The following DCC variants were observed in gnomAD, a reference collection of about 807,000 sequenced individuals.
The protein encoded by DCC is netrin receptor DCC.
Under a neutral mutation model 172.5 loss-of-function variants are expected in DCC, and 58 were observed. The observed-to-expected ratio is 0.34, with a 90% CI of 0.27 to 0.42. DCC has a LOEUF of 0.42. Ranked by LOEUF, DCC falls within the 10% of genes least tolerant of loss-of-function variation. The pLI is 1.00. For synonymous variants in DCC, 709 were observed against 644.5 expected (o/e 1.10, Z -1.52); for missense variants, 1,740 against 1,791.0 (o/e 0.97, Z 0.51).
chr18:52,576,347 A>T (rs1188888322), intron 1 of DCC, among the ~76,000 whole-genome samples: 1 of 152,218 alleles, frequency 6.6e-6, no homozygotes, highest in African/African-American at 2.4e-5. Context: ...AGCGGGATTA[A>T]GGACAAATGA....
intron 12 of DCC, among the ~76,000 whole-genome samples, chr18:53,260,918 C>T (rs2056589646): frequency 1.3e-5 from 2 of 152,164 alleles, no homozygotes; most frequent in South Asian, 4.1e-4. Flanking sequence ...ACCCCTCCCC[C>T]AGCCTCGCTG....
intron 1 of DCC, among the ~76,000 whole-genome samples, chr18:52,510,175 C>T (rs759592468): frequency 1.3e-5 from 2 of 151,914 alleles, no homozygotes; most frequent in Non-Finnish European, 2.9e-5. Flanking sequence ...TAGGGCCACT[C>T]CTTGGTCCAT....
intron 5 of DCC, among the ~76,000 whole-genome samples, chr18:53,019,377 A>G (rs995966055): frequency 1.3e-5 from 2 of 152,158 alleles, no homozygotes; most frequent in African/African-American, 4.8e-5. Context: ...CAGATAGGAA[A>G]TGAGACTTTC....
rs138467072 is a variant in DCC at position 52,942,199 on chromosome 18, G to A, written c.985+16829G>A. Among the ~76,000 whole-genome samples, 1,007 of 152,224 alleles carry A rather than the reference G, an allele frequency of 6.6e-3. 38 individuals carry two copies. Among genetic ancestry groups the A allele is most frequent in the East Asian group, 0.059 (306 of 5,182 alleles). On this transcript the variant is annotated intron_variant, in intron 5 of 28. Transcript: ENST00000442544. ...AATAATATGAAAATACTAATATAAT[G>A]TAAAATTCAGTTTATCCATGTTTAG... is the stretch of plus-strand genomic sequence containing the variant.
At chr18:52,678,512 G>A (rs372184415) in intron 1 of DCC, among the ~76,000 whole-genome samples, 24 of 152,258 alleles carry the variant, frequency 1.6e-4, no homozygotes, top group African/African-American at 4.3e-4. Context: ...ACTCTAGCTC[G>A]TAAGATTTAT....
chr18:53,015,822 G>T (rs963585020), intron 5 of DCC, among the ~76,000 whole-genome samples: 6 of 151,904 alleles, frequency 3.9e-5, no homozygotes, highest in Non-Finnish European at 8.8e-5. Flanking sequence ...TATAGCCAAG[G>T]ATTAAGAAAA....
At chr18:52,910,173 G>T (rs574134667) in intron 3 of DCC, among the ~76,000 whole-genome samples, 166 of 152,196 alleles carry the variant, frequency 1.1e-3, no homozygotes, top group Middle Eastern at 3.4e-3. Flanking sequence ...AATGATGTTT[G>T]GTTTGGTCCT....
At chr18:52,872,538 T>A (rs2039337856) in intron 2 of DCC, among the ~76,000 whole-genome samples, 1 of 152,164 alleles carries the variant, frequency 6.6e-6, no homozygotes, top group Non-Finnish European at 1.5e-5. Flanking sequence ...AAAGTATATT[T>A]TGGGGTGAAA....
Position 53,036,041 on chromosome 18 carries a change from C to T in DCC, c.986-27264C>T, listed in dbSNP as rs569677549. The stretch of plus-strand genomic sequence containing the variant: ...ACTTGGTAAGAGGGAATACACATTT[C>T]GAGGGCTCTTTATACATCTTACAGA... On this transcript the variant is annotated intron_variant, in intron 5 of 28. Transcript: ENST00000442544. 7.9e-5 allele frequency among the ~76,000 whole-genome samples: 12 copies of T among 152,082 alleles called. No individual in the cohort carries two copies. The East Asian group carries it at 1.4e-3, about 17-fold the overall frequency.
chr18:52,826,478 T>C (rs944911286), intron 2 of DCC, among the ~76,000 whole-genome samples: 1 of 151,832 alleles, frequency 6.6e-6, no homozygotes, highest in African/African-American at 2.4e-5. Context: ...ATTTCTTCCA[T>C]TCTCTTTTTT....
chr18:52,390,787 C>T (rs1269184580), intron 1 of DCC, among the ~76,000 whole-genome samples: 2 of 152,074 alleles, frequency 1.3e-5, no homozygotes, highest in African/African-American at 4.8e-5. Flanking sequence ...AGTTATTCCT[C>T]ATATCCATCT....
intron 24 of DCC, 65 bp downstream of exon 24, chr18:53,459,523 C>T (rs1568145630): frequency 2.0e-6 from 2 of 1,019,650 alleles, no homozygotes; most frequent in South Asian, 1.3e-5. Context: ...GTTTTTCACT[C>T]CTTTTATGGA....
At chr18:52,847,018 A>G (rs1242943633) in intron 2 of DCC, among the ~76,000 whole-genome samples, 1 of 152,172 alleles carries the variant, frequency 6.6e-6, no homozygotes, top group African/African-American at 2.4e-5. Context: ...CTGACCTTAC[A>G]GGTAGAATGA....
intron 23 of DCC, among the ~76,000 whole-genome samples, chr18:53,455,732 G>A (rs768383099): frequency 5.3e-5 from 8 of 151,920 alleles, no homozygotes; most frequent in Non-Finnish European, 1.0e-4. Flanking sequence ...TATCTATTTG[G>A]GCCAAGGCCT....
intron 5 of DCC, among the ~76,000 whole-genome samples, chr18:53,025,244 A>T (rs1432754727): frequency 6.6e-6 from 1 of 152,184 alleles, no homozygotes; most frequent in African/African-American, 2.4e-5. Context: ...TGCCATTTTT[A>T]AAATGATATC....
intron 2 of DCC, among the ~76,000 whole-genome samples, chr18:52,891,401 T>C (rs1247147128): frequency 1.3e-5 from 2 of 152,116 alleles, no homozygotes; most frequent in South Asian, 2.1e-4. Flanking sequence ...ATGTCATGAA[T>C]GAATGACATG....
intron 1 of DCC, among the ~76,000 whole-genome samples, chr18:52,688,785 A>C (rs1468473442): frequency 6.6e-6 from 1 of 152,122 alleles, no homozygotes; most frequent in Non-Finnish European, 1.5e-5. Context: ...AGTTATTTAA[A>C]ATATAAAAAT....
intron 5 of DCC, among the ~76,000 whole-genome samples, chr18:53,039,192 T>C (rs2042136053): frequency 6.6e-6 from 1 of 151,990 alleles, no homozygotes; most frequent in South Asian, 2.1e-4. Context: ...AACCCTGCAT[T>C]CACACGTTTA....
chr18:52,440,784 G>A (rs190413985), intron 1 of DCC, among the ~76,000 whole-genome samples: 24 of 152,262 alleles, frequency 1.6e-4, no homozygotes, highest in Admixed American at 1.4e-3. Context: ...GCAGATTTGT[G>A]CCAATCAGAA....
Sources: allele counts gnomAD v4.1 joint callset (sites outside exome capture counted in the v4.1 genomes callset), GRCh38; gene constraint gnomAD v4.1.1; transcripts MANE v1.5; gene names NCBI Gene and HGNC (gene_info 2026-07-23, HGNC 2026-07-21).